Variants in CNTNAP5 observed in about 807,000 individuals in gnomAD.
CNTNAP5 encodes contactin-associated protein-like 5.
Under a neutral mutation model 150.2 loss-of-function variants are expected in CNTNAP5, and 72 were observed. The ratio of observed to expected loss-of-function variants is 0.48; its 90% CI spans 0.40 to 0.58. The LOEUF (loss-of-function observed/expected upper bound fraction) is 0.58, where lower values mean the gene tolerates loss of function less well. Ranked by LOEUF, CNTNAP5 falls within the 20% of genes least tolerant of loss-of-function variation. CNTNAP5 has a pLI of 0.00. For synonymous variants in CNTNAP5, 672 were observed against 619.8 expected, an observed-to-expected ratio of 1.08 and a Z score of -1.25; for missense variants, 1,636 against 1,626.2, an observed-to-expected ratio of 1.01 and a Z score of -0.10.
chr2:124,466,463 T>C (rs773169839), intron 6 of CNTNAP5, among the ~76,000 whole-genome samples: 22 of 152,134 alleles, frequency 1.4e-4, no homozygotes, highest in Non-Finnish European at 2.6e-4. Context: ...GGCCCTACAC[T>C]TTTAGATAGA....
intron 12 of CNTNAP5, among the ~76,000 whole-genome samples, chr2:124,630,827 A>G (rs1677838622): frequency 1.3e-5 from 2 of 152,178 alleles, no homozygotes; most frequent in African/African-American, 4.8e-5. Flanking sequence ...AGAAAACCCC[A>G]TCAACTCAAC....
intron 3 of CNTNAP5, among the ~76,000 whole-genome samples, chr2:124,332,999 C>T (rs1288497647): frequency 1.3e-5 from 2 of 152,062 alleles, no homozygotes; most frequent in Non-Finnish European, 2.9e-5. Context: ...AGAATACAAA[C>T]CCAAAGATAT....
chr2:124,859,032 G>C (rs1187797393), intron 19 of CNTNAP5, among the ~76,000 whole-genome samples: 1 of 151,874 alleles, frequency 6.6e-6, no homozygotes, highest in Non-Finnish European at 1.5e-5. Context: ...CAAAAGCAAT[G>C]GCAACAAAAG....
At chr2:124,825,234 G>A (rs1371790992) in intron 19 of CNTNAP5, among the ~76,000 whole-genome samples, 1 of 152,030 alleles carries the variant, frequency 6.6e-6, no homozygotes, top group Non-Finnish European at 1.5e-5. Context: ...CCTTTAATAA[G>A]GATAACAAAT....
intron 11 of CNTNAP5, among the ~76,000 whole-genome samples, chr2:124,586,852 A>G (rs1437113881): frequency 6.6e-6 from 1 of 152,214 alleles, no homozygotes; most frequent in Non-Finnish European, 1.5e-5. Flanking sequence ...TACTGAAATA[A>G]GTCTCTGAAT....
intron 1 of CNTNAP5, among the ~76,000 whole-genome samples, chr2:124,078,421 T>C (rs1682487262): frequency 6.6e-6 from 1 of 152,234 alleles, no homozygotes; most frequent in Admixed American, 6.5e-5. Flanking sequence ...GGTTGAAGTC[T>C]ATAAACATAT....
At chr2:124,552,956 A>T (rs1468039408) in intron 10 of CNTNAP5, among the ~76,000 whole-genome samples, 1 of 152,090 alleles carries the variant, frequency 6.6e-6, no homozygotes, top group African/African-American at 2.4e-5. Context: ...ATTATCTATT[A>T]ATTATGTTTT....
intron 12 of CNTNAP5, among the ~76,000 whole-genome samples, chr2:124,632,406 A>G (rs1006416799): frequency 2.6e-5 from 4 of 152,208 alleles, no homozygotes; most frequent in Non-Finnish European, 5.9e-5. Context: ...CTTTGCAGGG[A>G]CACGAATGAA....
chr2:124,652,434 C>A (rs1453695127), intron 13 of CNTNAP5, among the ~76,000 whole-genome samples: 1 of 152,126 alleles, frequency 6.6e-6, no homozygotes, highest in Non-Finnish European at 1.5e-5. Flanking sequence ...CTTGGTTGAG[C>A]CCAGACCTTT....
intron 1 of CNTNAP5, among the ~76,000 whole-genome samples, chr2:124,052,634 G>T (rs1463522836): frequency 1.3e-5 from 2 of 152,188 alleles, no homozygotes; most frequent in Admixed American, 1.3e-4. Context: ...CTTGTGTTCT[G>T]AGCTTTCAGC....
intron 1 of CNTNAP5, among the ~76,000 whole-genome samples, chr2:124,164,077 C>T (rs1311960789): frequency 6.6e-6 from 1 of 152,106 alleles, no homozygotes; most frequent in African/African-American, 2.4e-5. Flanking sequence ...GCTCTGAAAA[C>T]ACTAAAATGC....
intron 3 of CNTNAP5, among the ~76,000 whole-genome samples, chr2:124,381,470 A>G (rs1168078377): frequency 1.3e-5 from 2 of 152,238 alleles, no homozygotes; most frequent in South Asian, 2.1e-4. Context: ...ACATTGGGAT[A>G]GAGACAGTGG....
intron 11 of CNTNAP5, among the ~76,000 whole-genome samples, chr2:124,588,177 CTTCTTTCTTTCTTTCTTTCTTTCTTTCT>C (rs746237108): frequency 9.0e-6 from 1 of 110,820 alleles, no homozygotes; most frequent in Non-Finnish European, 2.0e-5. Flanking sequence ...TCCTTCCTTC[CTTCTTTCTTTCTTTCTTTCTTTCTTTCT>C]TTCTTTCTTT....
At chr2:124,408,326 C>T (rs1691647079) in intron 3 of CNTNAP5, among the ~76,000 whole-genome samples, 1 of 152,212 alleles carries the variant, frequency 6.6e-6, no homozygotes, top group Non-Finnish European at 1.5e-5. Context: ...CGCCATTGCC[C>T]AGGCTTGCTT....
intron 19 of CNTNAP5, among the ~76,000 whole-genome samples, chr2:124,815,645 T>C (rs888005899): frequency 6.6e-6 from 1 of 152,170 alleles, no homozygotes; most frequent in Non-Finnish European, 1.5e-5. Context: ...CCGAAGTGCT[T>C]AAGATGCATC....
At chr2:124,153,164 A>G (rs1684445329) in intron 1 of CNTNAP5, among the ~76,000 whole-genome samples, 1 of 152,234 alleles carries the variant, frequency 6.6e-6, no homozygotes, top group Non-Finnish European at 1.5e-5. Flanking sequence ...TTCTGAAGAT[A>G]GGAGAAAGGA....
intron 16 of CNTNAP5, among the ~76,000 whole-genome samples, chr2:124,764,440 C>A (rs1200732626): frequency 1.3e-5 from 2 of 152,180 alleles, no homozygotes; most frequent in Non-Finnish European, 2.9e-5. Flanking sequence ...TTCCACACTA[C>A]AGGACTTTAT....
rs796549767 is a variant in CNTNAP5 at position 124,823,058 on chromosome 2, G to C, written c.3217+24738G>C. Among the ~76,000 whole-genome samples, 32 of 152,256 alleles carry C rather than the reference G, an allele frequency of 2.1e-4. 1 individual carries two copies. Among genetic ancestry groups the C allele is most frequent in the African/African-American group, 7.5e-4 (31 of 41,544 alleles). ...AAACAACACAGAGAAAAAATGAAAT[G>C]TTTTATCATAAATGCTGTGATTAGT... is the stretch of plus-strand genomic sequence containing the variant. On this transcript the variant is annotated intron_variant, in intron 19 of 23. Transcript: ENST00000682447.
chr2:124,478,360 C>T (rs575283056), intron 7 of CNTNAP5, among the ~76,000 whole-genome samples: 157 of 152,154 alleles, frequency 1.0e-3, no homozygotes, highest in African/African-American at 3.6e-3. Context: ...TTAGCACTAA[C>T]GTATTTGGAA....
Sources: allele counts gnomAD v4.1 joint callset (sites outside exome capture counted in the v4.1 genomes callset), GRCh38; gene constraint gnomAD v4.1.1; transcripts MANE v1.5; gene names NCBI Gene and HGNC (gene_info 2026-07-23, HGNC 2026-07-21).